Variants in RGL1 observed in about 807,000 individuals in gnomAD.
The protein encoded by RGL1 is ral guanine nucleotide dissociation stimulator like 1.
Under a neutral mutation model 95.2 loss-of-function variants are expected in RGL1, and 24 were observed. The ratio of observed to expected loss-of-function variants is 0.25; its 90% CI spans 0.18 to 0.35. The LOEUF is 0.35. Among genes scored for constraint, RGL1 ranks in the 10% least tolerant of loss-of-function variants. The pLI is 1.00. For missense variants in RGL1, 715 were observed against 936.3 expected (o/e 0.76, Z 3.08); for synonymous variants, 329 against 344.9 (o/e 0.95, Z 0.51).
intron 8 of RGL1, among the ~76,000 whole-genome samples, chr1:183,889,936 T>C (rs1391163486): frequency 6.6e-6 from 1 of 152,116 alleles, no homozygotes; most frequent in Non-Finnish European, 1.5e-5. Context: ...AAGGTGATTG[T>C]GTGTATTAAA....
chr1:183,732,593 A>G (rs1324901571), intron 1 of RGL1, among the ~76,000 whole-genome samples: 1 of 152,190 alleles, frequency 6.6e-6, no homozygotes, highest in Non-Finnish European at 1.5e-5. Flanking sequence ...CACATCTGTC[A>G]AAACTCTAAC....
chr1:183,641,136 A>T (rs539166186), intron 1 of RGL1, among the ~76,000 whole-genome samples: 7 of 151,970 alleles, frequency 4.6e-5, no homozygotes, highest in African/African-American at 1.7e-4. Context: ...TGGTTTCAGA[A>T]TTTTTTTTAA....
At chr1:183,809,593 A>G (rs1297845610) in intron 2 of RGL1, among the ~76,000 whole-genome samples, 1 of 152,222 alleles carries the variant, frequency 6.6e-6, no homozygotes, top group Non-Finnish European at 1.5e-5. Context: ...TCTCGAAGAA[A>G]AATGACTTCA....
chr1:183,911,165 G>C (rs12083450), intron 14 of RGL1, among the ~76,000 whole-genome samples: 1 of 151,952 alleles, frequency 6.6e-6, no homozygotes, highest in Non-Finnish European at 1.5e-5. Flanking sequence ...GTTTACTAGC[G>C]GTGTCACCGG....
intron 4 of RGL1, among the ~76,000 whole-genome samples, chr1:183,874,768 A>C (rs944087374): frequency 2.0e-5 from 3 of 152,216 alleles, no homozygotes; most frequent in African/African-American, 7.2e-5. Context: ...GAAAAAAACA[A>C]AGAGGAAAGC....
chr1:183,777,413 G>A (rs962248533), intron 2 of RGL1, among the ~76,000 whole-genome samples: 1 of 152,222 alleles, frequency 6.6e-6, no homozygotes, highest in Non-Finnish European at 1.5e-5. Flanking sequence ...AGGACAACTT[G>A]AGTTTGGTTT....
chr1:183,724,837 A>G lies in RGL1; in HGVS notation c.-32-17289A>G, dbSNP rs1446763974. On this transcript the variant is annotated intron_variant, in intron 1 of 18. Coordinates refer to the RGL1 transcript ENST00000304685. The surrounding 1 kb of genome is among the most constrained non-coding windows in gnomAD (Gnocchi z 4.1). Reference sequence around the variant, plus strand: ...TTGAGTGAACACAGGCAGTAGGCAGATAGTGGTTATAGCAGGCTTTGAGCG... The same window carrying G: ...TTGAGTGAACACAGGCAGTAGGCAGGTAGTGGTTATAGCAGGCTTTGAGCG... 6.6e-6 allele frequency among the ~76,000 whole-genome samples: 1 copy of G among 151,992 alleles called. No homozygotes were observed. The highest frequency in any genetic ancestry group is 1.9e-4 in the East Asian group (1 of 5,176).
rs373009694 is a variant in RGL1 at position 183,883,743 on chromosome 1, A to G, written c.611-43A>G. 6.1e-5 allele frequency: 98 copies of G among 1,609,684 alleles called. No individual in the cohort carries two copies. In the Middle Eastern group the frequency reaches 8.3e-4, roughly 14 times the overall value. On this transcript the variant is annotated intron_variant, in intron 5 of 17. Transcript: ENST00000360851. ...CTGATGACTCTATAAGCAAGATTAT[A>G]TACACTGGCGCCAAATTACTAATCT...
At chr1:183,669,460 A>C (rs768430146) in intron 1 of RGL1, among the ~76,000 whole-genome samples, 4 of 152,198 alleles carry the variant, frequency 2.6e-5, no homozygotes, top group Non-Finnish European at 5.9e-5. Flanking sequence ...TAGAAGCATT[A>C]AATTTCTGGT....
chr1:183,784,439 G>T (rs545816619), intron 2 of RGL1, among the ~76,000 whole-genome samples: 4 of 152,342 alleles, frequency 2.6e-5, no homozygotes, highest in Admixed American at 2.6e-4. Context: ...ACAGCAGAAT[G>T]GAAAGCAAGA....
chr1:183,732,128 A>G (rs1263467486), intron 1 of RGL1, among the ~76,000 whole-genome samples: 1 of 152,256 alleles, frequency 6.6e-6, no homozygotes, highest in East Asian at 1.9e-4. Flanking sequence ...AGATTGGCCC[A>G]CTAACCCTCC....
intron 4 of RGL1, 107 bp downstream of exon 4, chr1:183,866,180 C>A: frequency 1.1e-6 from 1 of 879,966 alleles, no homozygotes; most frequent in South Asian, 1.5e-5. Context: ...TTTTTTTTTC[C>A]ATAGTGCATA....
At chr1:183,884,185 G>A (rs758618090) in intron 6 of RGL1, among the ~76,000 whole-genome samples, 7 of 152,220 alleles carry the variant, frequency 4.6e-5, no homozygotes, top group Non-Finnish European at 8.8e-5. Flanking sequence ...AACAAAATCT[G>A]CCTTGTTCTG....
chr1:183,738,107 G>A (rs1373983117), intron 1 of RGL1, among the ~76,000 whole-genome samples: 2 of 152,160 alleles, frequency 1.3e-5, no homozygotes, highest in East Asian at 1.9e-4. Flanking sequence ...TGTCTTGTAA[G>A]CCTTGACTAT....
intron 2 of RGL1, among the ~76,000 whole-genome samples, chr1:183,836,433 A>G (rs1043110943): frequency 7.0e-6 from 1 of 142,634 alleles, no homozygotes; most frequent in East Asian, 2.0e-4. Context: ...TTTTTTTTGT[A>G]TTTTTTTGTA....
At chr1:183,716,267 A>G (rs1655616202) in intron 1 of RGL1, among the ~76,000 whole-genome samples, 1 of 152,254 alleles carries the variant, frequency 6.6e-6, no homozygotes, top group Non-Finnish European at 1.5e-5. Flanking sequence ...TATTAAAAAT[A>G]TAAACACAGA....
At chr1:183,889,236 G>A (rs1015992607) in intron 8 of RGL1, among the ~76,000 whole-genome samples, 6 of 152,134 alleles carry the variant, frequency 3.9e-5, no homozygotes, top group Admixed American at 6.6e-5. Context: ...GCAAAGGAAG[G>A]AAAGGTGAGG....
chr1:183,859,085 C>G (rs1205668703), intron 3 of RGL1, among the ~76,000 whole-genome samples: 2 of 152,150 alleles, frequency 1.3e-5, no homozygotes, highest in Non-Finnish European at 2.9e-5. Flanking sequence ...CTTCCTACCC[C>G]CATCTACCAG....
In RGL1 at chr1:183,742,124, A is replaced by G; in HGVS notation, c.-32-2A>G. The G allele has an allele frequency of 3.1e-6, 5 of 1,612,592 alleles. No individual in the cohort carries two copies. Among genetic ancestry groups the G allele is most frequent in the Non-Finnish European group, 4.2e-6 (5 of 1,179,042 alleles). Reference sequence around the variant, plus strand: ...TGGATCACACTTTATTCTTCCACACAGATCCGTAATGCCTCCTGCCTGCCT... The same window carrying G: ...TGGATCACACTTTATTCTTCCACACGGATCCGTAATGCCTCCTGCCTGCCT... On this transcript the variant is annotated splice_acceptor_variant, in intron 1 of 18. Coordinates refer to the RGL1 transcript ENST00000304685. LOFTEE classifies it low-confidence loss of function (5UTR_SPLICE).
Sources: allele counts gnomAD v4.1 joint callset (sites outside exome capture counted in the v4.1 genomes callset), GRCh38; gene constraint gnomAD v4.1.1; non-coding constraint Gnocchi (gnomAD v3.1); transcripts MANE v1.5; gene names NCBI Gene and HGNC (gene_info 2026-07-23, HGNC 2026-07-21).